RSF1: variants seen among roughly 807,000 people sequenced by gnomAD.
The protein encoded by RSF1 is HBV pX-associated protein 8.
In RSF1, 13 loss-of-function variants were observed where a neutral mutation model predicts 145.2. That is an observed-to-expected ratio of 0.09 (90% CI 0.06 to 0.14). The LOEUF (loss-of-function observed/expected upper bound fraction) is 0.14. Ranked by LOEUF, RSF1 falls within the 10% of genes least tolerant of loss-of-function variation. The pLI is 1.00. For missense variants in RSF1, 1,517 were observed against 1,718.2 expected, an observed-to-expected ratio of 0.88 and a Z score of 2.07; for synonymous variants, 577 against 592.6, an observed-to-expected ratio of 0.97 and a Z score of 0.38.
chr11:77,788,522 G>C (rs1037493654), intron 1 of RSF1, among the ~76,000 whole-genome samples: 1 of 139,760 alleles, frequency 7.2e-6, no homozygotes, highest in Non-Finnish European at 1.6e-5. Flanking sequence ...AAAGACTAGC[G>C]AACTTAAAAA....
chr11:77,817,554 A>T (rs1590905820), intron 1 of RSF1, among the ~76,000 whole-genome samples: 2 of 152,266 alleles, frequency 1.3e-5, no homozygotes, highest in East Asian at 1.9e-4. Flanking sequence ...AGTTGGCAAC[A>T]ATGCTCTAGG....
At chr11:77,840,916 G>A in the RSF1 span, 1 of 389,090 alleles carries the variant, frequency 2.6e-6, no homozygotes, top group Non-Finnish European at 4.7e-6. Context: ...TATACTAAAT[G>A]TCTTAATCCA....
intron 9 of RSF1, among the ~76,000 whole-genome samples, chr11:77,690,236 G>A (rs1472827082): frequency 1.3e-5 from 2 of 151,430 alleles, no homozygotes. Flanking sequence ...ATTGAAAAGA[G>A]GGGCATCTCT....
At chr11:77,772,068 G>C (rs890216116) in intron 1 of RSF1, among the ~76,000 whole-genome samples, 5 of 152,094 alleles carry the variant, frequency 3.3e-5, no homozygotes, top group African/African-American at 1.2e-4. Flanking sequence ...CTGAAAAGCA[G>C]AAATCATGAC....
At chr11:77,843,285 T>C in the RSF1 span, among the ~76,000 whole-genome samples, 2 of 152,356 alleles carry the variant, frequency 1.3e-5, no homozygotes, top group South Asian at 2.1e-4. Flanking sequence ...TCAAGTATTC[T>C]CAGTGTGCCA....
chr11:77,689,145 C>G (rs1960085394), intron 9 of RSF1, among the ~76,000 whole-genome samples: 1 of 152,168 alleles, frequency 6.6e-6, no homozygotes, highest in Non-Finnish European at 1.5e-5. Context: ...CAGATTAATC[C>G]TCTGAAAATT....
chr11:77,806,414 A>C (rs1948678151), intron 1 of RSF1, among the ~76,000 whole-genome samples: 1 of 152,226 alleles, frequency 6.6e-6, no homozygotes, highest in Non-Finnish European at 1.5e-5. Flanking sequence ...AATAACCCAA[A>C]AAATGAGTTG....
intron 1 of RSF1, among the ~76,000 whole-genome samples, chr11:77,766,736 A>G (rs544136582): frequency 6.6e-6 from 1 of 152,352 alleles, no homozygotes; most frequent in East Asian, 1.9e-4. Context: ...GATTTTATGT[A>G]AAAGTTTAAG....
intron 15 of RSF1, among the ~76,000 whole-genome samples, chr11:77,669,645 T>C (rs1590819685): frequency 6.6e-6 from 1 of 152,248 alleles, no homozygotes; most frequent in Admixed American, 6.5e-5. Context: ...TTAGTGGCTA[T>C]TGTAACGATC....
chr11:77,813,931 T>A (rs1948757186), intron 1 of RSF1, among the ~76,000 whole-genome samples: 1 of 151,910 alleles, frequency 6.6e-6, no homozygotes, highest in Non-Finnish European at 1.5e-5. Flanking sequence ...CTGGGCACAG[T>A]GGCTCATGCC....
At chr11:77,697,389 G>C (rs1205724589) in intron 7 of RSF1, among the ~76,000 whole-genome samples, 3 of 148,742 alleles carry the variant, frequency 2.0e-5, no homozygotes, top group Non-Finnish European at 3.0e-5. Flanking sequence ...CATAGAATTA[G>C]GTATAACAAG....
chr11:77,720,501 A>G (rs1200042746), intron 5 of RSF1, among the ~76,000 whole-genome samples: 1 of 152,214 alleles, frequency 6.6e-6, no homozygotes, highest in Non-Finnish European at 1.5e-5. Context: ...AATGGATCTT[A>G]AACTCCCATA....
chr11:77,742,051 G>A (rs973028110), intron 3 of RSF1, among the ~76,000 whole-genome samples: 15 of 152,128 alleles, frequency 9.9e-5, no homozygotes, highest in African/African-American at 2.7e-4. Flanking sequence ...TTCTGTTGAC[G>A]GACATTTAGA....
chr11:77,717,676 A>T (rs1431129373), intron 5 of RSF1: 2 of 152,194 alleles, frequency 1.3e-5, no homozygotes, highest in African/African-American at 4.8e-5. Flanking sequence ...ATGGGAGCTT[A>T]TCCAATTCAC....
At chr11:77,682,900 T>C (rs1959901723) in intron 11 of RSF1, among the ~76,000 whole-genome samples, 1 of 152,182 alleles carries the variant, frequency 6.6e-6, no homozygotes. Flanking sequence ...TAAAAGGCGA[T>C]GCAGCAAATG....
At chr11:77,748,679 G>A (rs938936388) in intron 2 of RSF1, among the ~76,000 whole-genome samples, 1 of 152,138 alleles carries the variant, frequency 6.6e-6, no homozygotes, top group African/African-American at 2.4e-5. Flanking sequence ...GTTGGTTGAC[G>A]ATACGGAAAA....
At chr11:77,785,059 TTCTC>T (rs370426276) in intron 1 of RSF1, among the ~76,000 whole-genome samples, 2 of 152,138 alleles carry the variant, frequency 1.3e-5, no homozygotes, top group African/African-American at 4.8e-5. Flanking sequence ...ACTCATTAGA[TTCTC>T]TCTCTCTGTT....
At chr11:77,732,843 A>G (rs1245892002) in intron 4 of RSF1, among the ~76,000 whole-genome samples, 1 of 152,228 alleles carries the variant, frequency 6.6e-6, no homozygotes. Context: ...AGCAGCATGA[A>G]AACGGACTAA....
chr11:77,813,302 T>TAA (rs1948748190), intron 1 of RSF1: 2 of 755,608 alleles, frequency 2.6e-6, no homozygotes, highest in Non-Finnish European at 4.6e-6. Context: ...GGTAATCAAT[T>TAA]TATTAAAATA....
Sources: allele counts gnomAD v4.1 joint callset (sites outside exome capture counted in the v4.1 genomes callset), GRCh38; gene constraint gnomAD v4.1.1; transcripts MANE v1.5; gene names NCBI Gene and HGNC (gene_info 2026-07-23, HGNC 2026-07-21).